Variants in KCNH8 observed in about 807,000 individuals in gnomAD.
KCNH8 encodes the protein potassium voltage-gated channel subfamily H member 8, also known as voltage-gated delayed rectifier potassium channel KCNH8.
KCNH8 carries 70 observed loss-of-function variants against 103.6 expected under a neutral mutation model. The ratio of observed to expected loss-of-function variants is 0.68; its 90% CI spans 0.56 to 0.82. The LOEUF is 0.82. Ranked by LOEUF, KCNH8 falls within the 40% of genes least tolerant of loss-of-function variation. The pLI is 0.00. For missense variants in KCNH8, 1,217 were observed against 1,329.9 expected, an observed-to-expected ratio of 0.92 and a Z score of 1.32; for synonymous variants, 498 against 489.4, an observed-to-expected ratio of 1.02 and a Z score of -0.23.
chr3:19,470,334 C>A (rs1316029296), intron 11 of KCNH8, among the ~76,000 whole-genome samples: 1 of 152,212 alleles, frequency 6.6e-6, no homozygotes, highest in East Asian at 1.9e-4. Context: ...AAACTCTAAA[C>A]ATTATCTCTC....
chr3:19,499,575 C>G (rs895728477), intron 11 of KCNH8, among the ~76,000 whole-genome samples: 4 of 152,160 alleles, frequency 2.6e-5, no homozygotes, highest in African/African-American at 9.7e-5. Flanking sequence ...TAACAGCAGA[C>G]TAACAGCAGA....
intron 1 of KCNH8, among the ~76,000 whole-genome samples, chr3:19,150,250 GC>G (rs1427301818): frequency 6.6e-6 from 1 of 152,056 alleles, no homozygotes; most frequent in Non-Finnish European, 1.5e-5. Flanking sequence ...CCACTGAAGC[GC>G]CACACAAAAT....
intron 2 of KCNH8, among the ~76,000 whole-genome samples, chr3:19,256,349 C>T (rs1316243607): frequency 6.6e-6 from 1 of 152,060 alleles, no homozygotes; most frequent in Non-Finnish European, 1.5e-5. Context: ...TTGTGTCCTT[C>T]CCAGTGTCAA....
At chr3:19,505,534 T>G (rs945312023) in intron 11 of KCNH8, among the ~76,000 whole-genome samples, 5 of 152,190 alleles carry the variant, frequency 3.3e-5, no homozygotes, top group Admixed American at 6.5e-5. Context: ...AGGTCTGCTG[T>G]TAACCTCATG....
intron 1 of KCNH8, among the ~76,000 whole-genome samples, chr3:19,170,735 CATAT>C (rs1231439099): frequency 8.7e-6 from 1 of 114,568 alleles, no homozygotes; most frequent in Non-Finnish European, 1.8e-5. Context: ...TATACACACA[CATAT>C]ATATACACAC....
At chr3:19,409,488 T>TCATGA (rs2066743283) in intron 7 of KCNH8, among the ~76,000 whole-genome samples, 1 of 152,102 alleles carries the variant, frequency 6.6e-6, no homozygotes, top group African/African-American at 2.4e-5. Flanking sequence ...GCTAACAACT[T>TCATGA]CATGATAAGA....
chr3:19,300,515 A>G (rs931169185), intron 3 of KCNH8, among the ~76,000 whole-genome samples: 12 of 152,324 alleles, frequency 7.9e-5, no homozygotes, highest in Non-Finnish European at 1.5e-4. Flanking sequence ...TATTTTTATC[A>G]TATAACTGTG....
chr3:19,493,269 G>A (rs1015216420), intron 11 of KCNH8, among the ~76,000 whole-genome samples: 5 of 152,012 alleles, frequency 3.3e-5, no homozygotes, highest in Admixed American at 6.6e-5. Flanking sequence ...GAACAGGAAC[G>A]GGGAGAGTGG....
At chr3:19,242,546 A>AT (rs1168070048) in intron 1 of KCNH8, among the ~76,000 whole-genome samples, 2 of 152,202 alleles carry the variant, frequency 1.3e-5, no homozygotes, top group Non-Finnish European at 2.9e-5. Context: ...AGGGGTTATT[A>AT]TTCAGAAGGG....
intron 1 of KCNH8, among the ~76,000 whole-genome samples, chr3:19,239,683 T>TATCTATCTA: frequency 6.6e-6 from 1 of 151,780 alleles, no homozygotes; most frequent in African/African-American, 2.4e-5. Flanking sequence ...TCTATCTATC[T>TATCTATCTA]ACCTACCTAC....
intron 7 of KCNH8, among the ~76,000 whole-genome samples, chr3:19,430,204 C>T (rs1223689060): frequency 6.6e-6 from 1 of 152,200 alleles, no homozygotes; most frequent in African/African-American, 2.4e-5. Flanking sequence ...GTTATCCCAG[C>T]ACCATTTATT....
At position 19,281,778 on chromosome 3, in the gene KCNH8, G is replaced by C. The variant is rs146019873; in HGVS notation, c.442+449G>C. ...AAGAACTCTAGCTTAGTGGTTGTTA[G>C]AATAGAATGTTGCAAACAAATGTGA... On this transcript the variant is annotated intron_variant, in intron 3 of 15. Coordinates refer to ENST00000328405, the MANE Select transcript of KCNH8 (RefSeq NM_144633.3). Among the ~76,000 whole-genome samples the C allele has an allele frequency of 1.6e-4, 24 of 152,142 alleles. No homozygotes were observed. In the East Asian group the frequency reaches 4.4e-3, roughly 28 times the overall value.
intron 5 of KCNH8, among the ~76,000 whole-genome samples, chr3:19,379,497 A>G (rs2066259744): frequency 6.6e-6 from 1 of 151,974 alleles, no homozygotes; most frequent in African/African-American, 2.4e-5. Flanking sequence ...AAAATTACTC[A>G]GGCGTGGTGG....
chr3:19,214,032 G>A (rs2063795515), intron 1 of KCNH8, among the ~76,000 whole-genome samples: 1 of 152,158 alleles, frequency 6.6e-6, no homozygotes. Flanking sequence ...ACCCCCGCCT[G>A]CCCGTGGGAT....
chr3:19,184,744 G>C (rs895051363), intron 1 of KCNH8, among the ~76,000 whole-genome samples: 3 of 151,856 alleles, frequency 2.0e-5, no homozygotes, highest in African/African-American at 7.2e-5. Flanking sequence ...GGAGACACTA[G>C]ATTATTGCAG....
At chr3:19,303,094 T>C (rs1244109754) in intron 3 of KCNH8, among the ~76,000 whole-genome samples, 1 of 152,168 alleles carries the variant, frequency 6.6e-6, no homozygotes, top group Non-Finnish European at 1.5e-5. Flanking sequence ...TTTCAAGATA[T>C]ACAACCCCCT....
intron 1 of KCNH8, among the ~76,000 whole-genome samples, chr3:19,149,305 T>G (rs568783594): frequency 3.7e-4 from 57 of 152,160 alleles, no homozygotes; most frequent in Admixed American, 1.0e-3. Context: ...ATTTTAAGTG[T>G]TGTGAGTTTG....
intron 1 of KCNH8, among the ~76,000 whole-genome samples, chr3:19,154,332 A>G (rs867809403): frequency 1.3e-5 from 2 of 152,192 alleles, no homozygotes; most frequent in African/African-American, 4.8e-5. Flanking sequence ...GTCAATGTAG[A>G]AGTAAGAGGG....
chr3:19,161,137 C>T (rs971320025), intron 1 of KCNH8, among the ~76,000 whole-genome samples: 1 of 152,008 alleles, frequency 6.6e-6, no homozygotes, highest in Non-Finnish European at 1.5e-5. Flanking sequence ...AAAGTTACAG[C>T]CACAATGCAT....
Sources: gnomAD v4.1 joint callset for allele counts (sites outside exome capture counted in the v4.1 genomes callset) on GRCh38, gnomAD v4.1.1 for gene constraint, MANE v1.5 for transcripts, NCBI Gene and HGNC (gene_info 2026-07-23, HGNC 2026-07-21) for gene names.